SMC5: variants seen among roughly 807,000 people sequenced by gnomAD.
SMC5 encodes structural maintenance of chromosomes 5, also known as structural maintenance of chromosomes protein 5.
SMC5 carries 88 observed loss-of-function variants against 148.3 expected under a neutral mutation model. The observed-to-expected ratio is 0.59, with a 90% CI of 0.50 to 0.71. The LOEUF (loss-of-function observed/expected upper bound fraction) is 0.71, where lower values mean the gene tolerates loss of function less well. Ranked by LOEUF, SMC5 falls within the 30% of genes least tolerant of loss-of-function variation. The pLI, the probability that SMC5 is intolerant of heterozygous loss-of-function variation, is 0.00. For synonymous variants in SMC5, 421 were observed against 432.8 expected (o/e 0.97, Z 0.34); for missense variants, 1,142 against 1,298.9 (o/e 0.88, Z 1.86).
rs1489361030 is a variant in SMC5, at chr9:70,350,425, C to G, written c.3119C>G (p.Thr1040Ser). 6.2e-7 allele frequency: 1 copy of G among 1,604,202 alleles called. No homozygotes were observed. The highest frequency in any genetic ancestry group is 1.3e-5 in the African/African-American group (1 of 74,366). The change falls in exon 24 of 25, where the codon ACT (threonine) becomes AGT (serine). Residue 1040 changes from threonine to serine, a missense_variant. Physicochemically the swap from Thr to Ser is moderately conservative, Grantham distance 58. This residue lies in a region of SMC5 where 30 missense variants were observed against 65.3 expected (regional missense o/e 0.46). Coordinates refer to ENST00000361138, the MANE Select transcript of SMC5 (RefSeq NM_015110.4). ...ERRVFEMVVN[T>S]ACKENTSQYF... is the part of the protein sequence containing the mutation. Reference sequence around the variant, plus strand: ...AGAGTGTTTGAAATGGTTGTAAATACTGCCTGTAAAGAAAATACATCTCAA... The same window carrying G: ...AGAGTGTTTGAAATGGTTGTAAATAGTGCCTGTAAAGAAAATACATCTCAA...
In SMC5 at chr9:70,279,817, C is replaced by CAAAAA. The variant is rs561567100; in HGVS notation, c.679-925_679-921dup. ...GGGCAACAAGAGCAAAACTCCGTTT[C>CAAAAA]AAAAAAAAAAAAAAAAAAAAAGGAA... On this transcript the variant is annotated intron_variant, in intron 5 of 24. Transcript: ENST00000361138. Among the ~76,000 whole-genome samples the CAAAAA allele has an allele frequency of 5.3e-5, 3 of 56,604 alleles. No individual in the cohort carries two copies. The Admixed American group carries it at 5.7e-4, about 11-fold the overall frequency. 37.1% of individuals were successfully genotyped at this position (56,604 alleles called of 152,430 possible).
At chr9:70,339,991 C>T (rs1439633100) in intron 17 of SMC5, among the ~76,000 whole-genome samples, 1 of 149,114 alleles carries the variant, frequency 6.7e-6, no homozygotes, top group Non-Finnish European at 1.5e-5. Context: ...CCTAACCACT[C>T]CAAGCTTAAT....
In SMC5 at chr9:70,300,141, T is replaced by A. The variant is rs200888007; in HGVS notation, c.1405T>A (p.Trp469Arg). 1 of 1,603,636 alleles carries A rather than the reference T, an allele frequency of 6.2e-7. No individual in the cohort carries two copies. Among genetic ancestry groups the A allele is most frequent in the Non-Finnish European group, 8.5e-7 (1 of 1,177,224 alleles). Reference sequence around the variant, plus strand: ...CCGTGACACGTATGATGCTGTTTTATGGCTAAGAAATAACAGAGACAAATT... The same window carrying A: ...CCGTGACACGTATGATGCTGTTTTAAGGCTAAGAAATAACAGAGACAAATT... ...RFRDTYDAVL[W>R]LRNNRDKFKQ... The change falls in exon 10 of 25, where the codon TGG becomes AGG. Residue 469 changes from tryptophan to arginine, a missense_variant. Physicochemically the swap from Trp to Arg is moderately radical, Grantham distance 101. Transcript: ENST00000361138.
intron 3 of SMC5, among the ~76,000 whole-genome samples, chr9:70,275,183 A>C (rs2034554486): frequency 6.6e-6 from 1 of 152,056 alleles, no homozygotes; most frequent in Non-Finnish European, 1.5e-5. Context: ...CTTTTCTCAT[A>C]TTCAGAGTAT....
chr9:70,268,229 T>C (rs1047308066), intron 3 of SMC5, among the ~76,000 whole-genome samples: 8 of 152,134 alleles, frequency 5.3e-5, no homozygotes, highest in Non-Finnish European at 1.2e-4. Flanking sequence ...GCAGATCACC[T>C]GAGATCAGGA....
rs569781651 is a variant in SMC5, at chr9:70,343,547, G to T, written c.2398-597G>T. ...TATAATTACATGACCGGGCCTGGTG[G>T]CTCACACCTGTAATCCCAGCACTTT... On this transcript the variant is annotated intron_variant, in intron 17 of 24. Coordinates refer to ENST00000361138, the MANE Select transcript of SMC5 (RefSeq NM_015110.4). Among the ~76,000 whole-genome samples, 5 of 152,250 alleles carry T rather than the reference G, an allele frequency of 3.3e-5. No homozygotes were observed. In the East Asian group the frequency reaches 5.8e-4, roughly 18 times the overall value.
chr9:70,346,199 G>A (rs1475814929), intron 18 of SMC5, among the ~76,000 whole-genome samples: 2 of 152,138 alleles, frequency 1.3e-5, no homozygotes, highest in Non-Finnish European at 2.9e-5. Context: ...TTGGACACAT[G>A]AGCTTACATC....
chr9:70,347,750 T>G, intron 21 of SMC5, 33 bp downstream of exon 21: 1 of 1,348,358 alleles, frequency 7.4e-7, no homozygotes, highest in South Asian at 1.3e-5. Flanking sequence ...TTTTATCATG[T>G]GATTATTAAT....
chr9:70,330,192 T>C (rs1297871864), intron 17 of SMC5, among the ~76,000 whole-genome samples: 1 of 152,212 alleles, frequency 6.6e-6, no homozygotes, highest in African/African-American at 2.4e-5. Context: ...GTTTCTCACC[T>C]CAGCATTATT....
chr9:70,317,952 A>T (rs138506275), intron 13 of SMC5, among the ~76,000 whole-genome samples: 169 of 126,782 alleles, frequency 1.3e-3, no homozygotes, highest in African/African-American at 5.9e-3. Flanking sequence ...TGTGCTGAGC[A>T]CTCTTCTCTC....
intron 15 of SMC5, among the ~76,000 whole-genome samples, chr9:70,323,076 A>G (rs761729111): frequency 1.3e-5 from 2 of 152,124 alleles, no homozygotes; most frequent in Non-Finnish European, 2.9e-5. Flanking sequence ...TCGAGGCAAC[A>G]TGGTGTAGTG....
chr9:70,314,101 T>G (rs2035731665), intron 11 of SMC5, among the ~76,000 whole-genome samples: 1 of 152,096 alleles, frequency 6.6e-6, no homozygotes, highest in Non-Finnish European at 1.5e-5. Flanking sequence ...ATTTTGAGGC[T>G]TCTCACTTTG....
At chr9:70,299,748 G>A (rs536916440) in intron 9 of SMC5, among the ~76,000 whole-genome samples, 1 of 151,300 alleles carries the variant, frequency 6.6e-6, no homozygotes, top group East Asian at 1.9e-4. Context: ...ATTGCTGTTT[G>A]TCTTTTGATA....
intron 11 of SMC5, chr9:70,311,917 G>A (rs2035667901): frequency 6.6e-6 from 1 of 151,722 alleles, no homozygotes; most frequent in African/African-American, 2.4e-5. Flanking sequence ...CCAGGACAAT[G>A]TTGAAGAGAA....
chr9:70,281,553 T>G (rs889476684), intron 6 of SMC5, among the ~76,000 whole-genome samples: 5 of 152,206 alleles, frequency 3.3e-5, no homozygotes, highest in Non-Finnish European at 2.9e-5. Context: ...GGGTTAAAGA[T>G]TCAATTCCCT....
chr9:70,264,475 T>A (rs2117960193), intron 2 of SMC5, 30 bp downstream of exon 2: 2 of 1,609,402 alleles, frequency 1.2e-6, no homozygotes, highest in Non-Finnish European at 1.7e-6. Flanking sequence ...TTTTAAGAAA[T>A]TTCAAACCTA....
At chr9:70,330,473 AG>A (rs1193781283) in intron 17 of SMC5, among the ~76,000 whole-genome samples, 1 of 152,096 alleles carries the variant, frequency 6.6e-6, no homozygotes, top group Non-Finnish European at 1.5e-5. Flanking sequence ...CTAGAATATA[AG>A]GAACTCTGTA....
chr9:70,304,376 C>G (rs1468643729), intron 10 of SMC5, among the ~76,000 whole-genome samples: 1 of 152,022 alleles, frequency 6.6e-6, no homozygotes, highest in Non-Finnish European at 1.5e-5. Context: ...CACGCCTGGC[C>G]CAGTTAATGT....
intron 15 of SMC5, among the ~76,000 whole-genome samples, chr9:70,319,352 T>C (rs1233783319): frequency 6.6e-6 from 1 of 152,194 alleles, no homozygotes; most frequent in Non-Finnish European, 1.5e-5. Context: ...ATAAACCCAT[T>C]ATGTGTTAAC....
Sources: gnomAD v4.1 joint callset for allele counts (sites outside exome capture counted in the v4.1 genomes callset) on GRCh38, gnomAD v4.1.1 for gene constraint, gnomAD v4.1.1 regional missense constraint, MANE v1.5 for transcripts, NCBI Gene and HGNC (gene_info 2026-07-23, HGNC 2026-07-21) for gene names.